TEX11: variants seen among roughly 807,000 people sequenced by gnomAD.
The protein encoded by TEX11 is testis expressed 11, also known as testis-expressed protein 11.
Under a neutral mutation model 84.4 loss-of-function variants are expected in TEX11, and 7 were observed. That is an observed-to-expected ratio of 0.08 (90% CI 0.05 to 0.16). TEX11 has a LOEUF of 0.16. TEX11 is among the 10% of genes least tolerant of loss of function. The pLI is 1.00. For missense variants in TEX11, 551 were observed against 660.5 expected, an observed-to-expected ratio of 0.83 and a Z score of 1.82; for synonymous variants, 264 against 222.8, an observed-to-expected ratio of 1.18 and a Z score of -1.64.
At position 70,683,227 on chromosome X, in the gene TEX11, A is replaced by G. The variant is rs1276410002; in HGVS notation, c.1005-402T>C. On this transcript the variant is annotated intron_variant, in intron 13 of 29. Transcript: ENST00000374333. ...TTATGTTTGATTACACAAATAATAC[A>G]CTAGTATCTTCTATTTAAAAATGTA... Among the ~76,000 whole-genome samples, 3 of 112,283 alleles carry G rather than the reference A, an allele frequency of 2.7e-5. 1 individual carries two copies. The Admixed American group carries it at 2.8e-4, about 11-fold the overall frequency.
chrX:70,729,493 C>T (rs1471598595), intron 11 of TEX11, among the ~76,000 whole-genome samples: 1 of 111,683 alleles, frequency 9.0e-6, no homozygotes, highest in African/African-American at 3.3e-5. Flanking sequence ...AACCACAGCA[C>T]AAGAACTACG....
Position 70,833,552 on chromosome X carries a change from T to C in TEX11, c.567A>G (p.Val189=). The change falls in exon 8 of 30, where the codon GTA becomes GTG. Residue 189 remains valine (V), a synonymous_variant. Transcript: ENST00000374333. ...TCATCAACATATCTTTACATTGCAG[T>C]ACACACATAGATGCTCTTTGAAAAT... ...QGDFQRASMC[V]LQCKDMLMRL... 8.3e-7 allele frequency: 1 copy of C among 1,206,584 alleles called. No homozygotes were observed. Among genetic ancestry groups the C allele is most frequent in the Non-Finnish European group, 1.1e-6 (1 of 893,516 alleles).
intron 10 of TEX11, among the ~76,000 whole-genome samples, chrX:70,741,004 G>A (rs979784284): frequency 9.0e-6 from 1 of 110,514 alleles, no homozygotes; most frequent in Admixed American, 9.7e-5. Flanking sequence ...TACAGTAATG[G>A]CTATATTCCT....
At chrX:70,819,133 A>C (rs1355888525) in intron 8 of TEX11, among the ~76,000 whole-genome samples, 1 of 111,805 alleles carries the variant, frequency 8.9e-6, no homozygotes, top group Non-Finnish European at 1.9e-5. Flanking sequence ...AGACAAGGAC[A>C]CCAGAAGAAA....
chrX:70,599,320 T>C (rs1481507198), intron 24 of TEX11, among the ~76,000 whole-genome samples: 1 of 112,178 alleles, frequency 8.9e-6, no homozygotes, highest in African/African-American at 3.2e-5. Flanking sequence ...GTGTGGTTCC[T>C]TGACAAATTA....
intron 24 of TEX11, among the ~76,000 whole-genome samples, chrX:70,596,840 A>C (rs1334436845): frequency 9.0e-6 from 1 of 111,300 alleles, no homozygotes; most frequent in Admixed American, 9.6e-5. Context: ...GTTGTTCTCG[A>C]AAAGAACAAC....
chrX:70,706,737 A>G (rs2090380902), intron 13 of TEX11, among the ~76,000 whole-genome samples: 1 of 111,364 alleles, frequency 9.0e-6, no homozygotes, highest in African/African-American at 3.3e-5. Context: ...TGACTGGTAC[A>G]TTGTAGGAAC....
At chrX:70,841,696 G>A (rs1436222552) in intron 7 of TEX11, among the ~76,000 whole-genome samples, 1 of 111,826 alleles carries the variant, frequency 8.9e-6, no homozygotes, top group Non-Finnish European at 1.9e-5. Context: ...CCAGGAGCTG[G>A]TTTTTTGAAA....
At chrX:70,660,555 G>C (rs192488472) in intron 16 of TEX11, among the ~76,000 whole-genome samples, 32 of 111,169 alleles carry the variant, frequency 2.9e-4, no homozygotes, top group Middle Eastern at 4.6e-3. Flanking sequence ...ACACAGGCTC[G>C]GGATCATCAG....
In TEX11 at chrX:70,646,199, G is replaced by A. The variant is rs1257295326; in HGVS notation, c.1483+5251C>T. Among the ~76,000 whole-genome samples, 3 of 111,783 alleles carry A rather than the reference G, an allele frequency of 2.7e-5. No homozygotes were observed. In the Admixed American group the frequency reaches 2.8e-4, roughly 11 times the overall value. On this transcript the variant is annotated intron_variant, in intron 17 of 29. Transcript: ENST00000374333. ...GACAGTTTCTTCAACCAATAGTGTT[G>A]GTAAAACTGGATACCCACATGCAGA...
chrX:70,818,666 T>C (rs1173103560), intron 8 of TEX11, among the ~76,000 whole-genome samples: 1 of 110,510 alleles, frequency 9.0e-6, no homozygotes, highest in Non-Finnish European at 1.9e-5. Context: ...AGCATCCCCC[T>C]TTGAGCTGGT....
At chrX:70,843,727 T>C (rs2091461668) in intron 7 of TEX11, among the ~76,000 whole-genome samples, 1 of 111,402 alleles carries the variant, frequency 9.0e-6, no homozygotes, top group African/African-American at 3.3e-5. Context: ...AGGGCTAATA[T>C]CCAGAATCTA....
intron 9 of TEX11, among the ~76,000 whole-genome samples, chrX:70,805,420 T>C (rs2091213182): frequency 9.2e-6 from 1 of 108,625 alleles, no homozygotes; most frequent in South Asian, 4.1e-4. Context: ...TTTTTTTTTT[T>C]GAGACGGAGT....
chrX:70,894,444 G>A (rs1010674479), intron 2 of TEX11, among the ~76,000 whole-genome samples: 1 of 110,142 alleles, frequency 9.1e-6, no homozygotes, highest in Non-Finnish European at 1.9e-5. Flanking sequence ...TGGCCAACCT[G>A]GTGAAGCCCC....
chrX:70,560,893 GTTTTTTTTTTTTTT>G (rs745618647), intron 25 of TEX11, among the ~76,000 whole-genome samples: 2 of 33,573 alleles, frequency 6.0e-5, no homozygotes, highest in African/African-American at 1.4e-4. Flanking sequence ...CACCACACCG[GTTTTTTTTTTTTTT>G]TTTTTTTTTT....
chrX:70,811,152 T>A (rs1006364598), intron 8 of TEX11, among the ~76,000 whole-genome samples: 1 of 110,769 alleles, frequency 9.0e-6, no homozygotes, highest in African/African-American at 3.3e-5. Flanking sequence ...ATTAGGTATA[T>A]CTCCTAATGC....
rs184272175 is a variant in TEX11, at chrX:70,546,086, T to G, written c.2520+6040A>C. Among the ~76,000 whole-genome samples the G allele has an allele frequency of 3.3e-4, 37 of 112,172 alleles. No individual in the cohort carries two copies. In the East Asian group the frequency reaches 8.6e-3, roughly 26 times the overall value. On this transcript the variant is annotated intron_variant, in intron 28 of 29. Transcript: ENST00000374333. ...TAAAGTTTACAAAACATACATTATTTTCATTGATCCTTACAACCCCAGTGT... is the reference window on the plus strand; with the variant it reads ...TAAAGTTTACAAAACATACATTATTGTCATTGATCCTTACAACCCCAGTGT...
chrX:70,556,210 ATTAC>A (rs1365780629), intron 25 of TEX11, among the ~76,000 whole-genome samples: 1 of 110,844 alleles, frequency 9.0e-6, no homozygotes, highest in Non-Finnish European at 1.9e-5. Context: ...GGAGACTTAG[ATTAC>A]TTGAGACCTT....
intron 28 of TEX11, among the ~76,000 whole-genome samples, chrX:70,539,421 C>T (rs919384788): frequency 2.7e-5 from 3 of 110,752 alleles, no homozygotes; most frequent in East Asian, 2.8e-4. Context: ...ATGCTGATCA[C>T]GCTTTGGGAA....
Sources: gnomAD v4.1 joint callset for allele counts (sites outside exome capture counted in the v4.1 genomes callset) on GRCh38, gnomAD v4.1.1 for gene constraint, MANE v1.5 for transcripts, NCBI Gene and HGNC (gene_info 2026-07-23, HGNC 2026-07-21) for gene names.